The following CCDC102B variants were observed in gnomAD, a reference collection of about 807,000 sequenced individuals.
CCDC102B encodes coiled-coil domain containing 102B.
Under a neutral mutation model 57.4 loss-of-function variants are expected in CCDC102B, and 75 were observed. The observed-to-expected ratio is 1.31, with a 90% CI of 1.08 to 1.58. The LOEUF (loss-of-function observed/expected upper bound fraction) is 1.58, where lower values mean the gene tolerates loss of function less well. Ranked by LOEUF, CCDC102B falls within the 40% of genes most tolerant of loss-of-function variation. The probability of loss-of-function intolerance (pLI) is 0.00; values close to 1 mark genes in which losing one functional copy is unlikely to be tolerated. For missense variants in CCDC102B, 636 were observed against 582.6 expected (o/e 1.09, Z -0.94); for synonymous variants, 206 against 201.9 (o/e 1.02, Z -0.17).
intron 5 of CCDC102B, among the ~76,000 whole-genome samples, chr18:68,889,479 G>A (rs1323515045): frequency 2.0e-5 from 3 of 152,122 alleles, no homozygotes; most frequent in African/African-American, 2.4e-5. Flanking sequence ...GAGTGCAATG[G>A]TGCAGTCTCA....
chr18:68,854,380 G>A (rs1306687421), intron 4 of CCDC102B, among the ~76,000 whole-genome samples: 4 of 152,154 alleles, frequency 2.6e-5, no homozygotes, highest in Non-Finnish European at 4.4e-5. Flanking sequence ...GATTACAGGC[G>A]TGAGCCACCG....
intron 7 of CCDC102B, among the ~76,000 whole-genome samples, chr18:69,019,245 A>C (rs2051758502): frequency 1.3e-5 from 2 of 152,040 alleles, no homozygotes; most frequent in Non-Finnish European, 2.9e-5. Flanking sequence ...TTCTGTGAAA[A>C]ATATCATTGG....
At chr18:68,860,783 T>G (rs1435527341) in intron 4 of CCDC102B, among the ~76,000 whole-genome samples, 1 of 112,662 alleles carries the variant, frequency 8.9e-6, no homozygotes, top group African/African-American at 2.9e-5. Context: ...CACTTACCAT[T>G]TATAGCACAC....
intron 2 of CCDC102B, among the ~76,000 whole-genome samples, chr18:68,751,960 A>G (rs1047478789): frequency 2.0e-5 from 3 of 152,180 alleles, no homozygotes; most frequent in Non-Finnish European, 2.9e-5. Flanking sequence ...CAACCAGAAA[A>G]AAAGACAGAA....
At chr18:68,919,658 C>G (rs1190693755) in intron 6 of CCDC102B, among the ~76,000 whole-genome samples, 1 of 152,100 alleles carries the variant, frequency 6.6e-6, no homozygotes, top group Non-Finnish European at 1.5e-5. Context: ...CAAACTTAGG[C>G]TACAAAAAAC....
chr18:68,727,243 C>G (rs1448837145), intron 2 of CCDC102B, among the ~76,000 whole-genome samples: 3 of 152,164 alleles, frequency 2.0e-5, no homozygotes, highest in Admixed American at 6.5e-5. Flanking sequence ...CATACTGACT[C>G]CAGTCTCTGG....
At chr18:68,804,197 G>A (rs58466441) in intron 1 of CCDC102B, among the ~76,000 whole-genome samples, 9,789 of 152,230 alleles carry the variant, frequency 0.064, 836 homozygotes, top group African/African-American at 0.2. Flanking sequence ...GGAATCAAGG[G>A]TAACCCCTAA....
intron 6 of CCDC102B, among the ~76,000 whole-genome samples, chr18:68,911,840 C>T (rs1279585251): frequency 2.7e-5 from 4 of 147,214 alleles, no homozygotes; most frequent in Non-Finnish European, 6.0e-5. Context: ...ATTTGTACAG[C>T]AAACCCCCAT....
Position 68,946,863 on chromosome 18 carries a change from C to T in CCDC102B, c.1263+49435C>T, listed in dbSNP as rs111396744. On this transcript the variant is annotated intron_variant, in intron 6 of 7. Transcript: ENST00000360242. ...CCATTTACATGGAAATTGTATTATT[C>T]TGTGAGGGGAATAATGCTGCAGGCC... Among the ~76,000 whole-genome samples, 439 of 151,960 alleles carry T rather than the reference C, an allele frequency of 2.9e-3. 1 individual carries two copies. Among genetic ancestry groups the T allele is most frequent in the African/African-American group, 0.01 (418 of 41,484 alleles).
At chr18:68,842,880 G>C (rs1364054966) in intron 3 of CCDC102B, among the ~76,000 whole-genome samples, 1 of 152,106 alleles carries the variant, frequency 6.6e-6, no homozygotes, top group African/African-American at 2.4e-5. Context: ...ACGTTTGCTT[G>C]CCAGACACAT....
chr18:68,822,479 G>T (rs1196618013), intron 1 of CCDC102B, among the ~76,000 whole-genome samples: 3 of 151,374 alleles, frequency 2.0e-5, no homozygotes, highest in South Asian at 2.1e-4. Flanking sequence ...TTGAAATTGG[G>T]CATTTAAAAA....
At chr18:68,824,458 G>A (rs1434892284) in intron 1 of CCDC102B, among the ~76,000 whole-genome samples, 2 of 152,204 alleles carry the variant, frequency 1.3e-5, no homozygotes, top group Non-Finnish European at 2.9e-5. Flanking sequence ...AGCGAAGAGA[G>A]ATAGTTTGAC....
chr18:68,978,942 A>G (rs948412844), intron 6 of CCDC102B, among the ~76,000 whole-genome samples: 3 of 152,074 alleles, frequency 2.0e-5, no homozygotes, highest in Non-Finnish European at 2.9e-5. Context: ...TCAGATATAT[A>G]ATGTTGGGTG....
chr18:68,769,541 C>T (rs1462640413), intron 2 of CCDC102B, among the ~76,000 whole-genome samples: 1 of 151,994 alleles, frequency 6.6e-6, no homozygotes, highest in Non-Finnish European at 1.5e-5. Context: ...TGGAATGATC[C>T]CTAGATAACC....
At chr18:68,813,694 C>T (rs1288779059) in intron 1 of CCDC102B, among the ~76,000 whole-genome samples, 3 of 151,620 alleles carry the variant, frequency 2.0e-5, no homozygotes, top group Non-Finnish European at 4.4e-5. Flanking sequence ...GTGAAAAGGA[C>T]TTTGAACCTA....
chr18:68,923,868 T>G (rs567207524), intron 6 of CCDC102B, among the ~76,000 whole-genome samples: 53 of 152,128 alleles, frequency 3.5e-4, no homozygotes, highest in Admixed American at 7.9e-4. Context: ...AATATATGGA[T>G]CCTATGGGAA....
chr18:68,839,415 T>C (rs2037525118), intron 3 of CCDC102B, among the ~76,000 whole-genome samples: 1 of 152,244 alleles, frequency 6.6e-6, no homozygotes, highest in Non-Finnish European at 1.5e-5. Context: ...TCTGATGTCT[T>C]CTAGCTATGT....
intron 5 of CCDC102B, among the ~76,000 whole-genome samples, chr18:68,887,328 T>C (rs2039925833): frequency 6.6e-6 from 1 of 152,130 alleles, no homozygotes; most frequent in Non-Finnish European, 1.5e-5. Context: ...CAAGAGCCAC[T>C]TAAAATTTTC....
chr18:68,965,954 A>G (rs1392517019), intron 6 of CCDC102B, among the ~76,000 whole-genome samples: 1 of 151,940 alleles, frequency 6.6e-6, no homozygotes, highest in African/African-American at 2.4e-5. Flanking sequence ...CAGTTGAGAC[A>G]CTCCTGTTAC....
Sources: gnomAD v4.1 joint callset for allele counts (sites outside exome capture counted in the v4.1 genomes callset) on GRCh38, gnomAD v4.1.1 for gene constraint, MANE v1.5 for transcripts, NCBI Gene and HGNC (gene_info 2026-07-23, HGNC 2026-07-21) for gene names.